LRRC4C: variants seen among roughly 807,000 people sequenced by gnomAD.
LRRC4C encodes the protein leucine rich repeat containing 4C.
Under a neutral mutation model 33.6 loss-of-function variants are expected in LRRC4C, and 5 were observed. The observed-to-expected ratio is 0.15, with a 90% CI of 0.08 to 0.31. The LOEUF (loss-of-function observed/expected upper bound fraction) is 0.31, where lower values mean the gene tolerates loss of function less well. Ranked by LOEUF, LRRC4C falls within the 10% of genes least tolerant of loss-of-function variation. LRRC4C has a pLI of 1.00. For synonymous variants in LRRC4C, 329 were observed against 302.0 expected, an observed-to-expected ratio of 1.09 and a Z score of -0.93; for missense variants, 560 against 796.7, an observed-to-expected ratio of 0.70 and a Z score of 3.58.
At chr11:40,774,736 G>T (rs1468496131) in intron 2 of LRRC4C, among the ~76,000 whole-genome samples, 2 of 152,032 alleles carry the variant, frequency 1.3e-5, no homozygotes, top group African/African-American at 4.8e-5. Flanking sequence ...AAAGACTATT[G>T]ATGTGCATTT....
chr11:41,265,945 A>C (rs1949137229), intron 1 of LRRC4C, among the ~76,000 whole-genome samples: 1 of 152,000 alleles, frequency 6.6e-6, no homozygotes, highest in Admixed American at 6.6e-5. Flanking sequence ...ATTTTGGTGG[A>C]TGAGATACAA....
intron 4 of LRRC4C, among the ~76,000 whole-genome samples, chr11:40,318,621 G>T: frequency 6.6e-6 from 1 of 151,980 alleles, no homozygotes; most frequent in South Asian, 2.1e-4. Flanking sequence ...ATAAATCCAT[G>T]TACACGGGTT....
Position 40,285,590 on chromosome 11 carries a change from A to G in LRRC4C, c.-176+34038T>C, listed in dbSNP as rs74811904. 1.0e-3 allele frequency among the ~76,000 whole-genome samples: 158 copies of G among 152,304 alleles called. 4 individuals carry two copies. The East Asian group carries it at 0.027, about 26-fold the overall frequency. ...CATTAGATATGTTCAGTGAGTTGGGACAATTTTGCCTAAGTCTTTCTTAGA... is the reference window on the plus strand; with the variant it reads ...CATTAGATATGTTCAGTGAGTTGGGGCAATTTTGCCTAAGTCTTTCTTAGA... On this transcript the variant is annotated intron_variant, in intron 4 of 6. Coordinates refer to ENST00000528697, the MANE Select transcript of LRRC4C (RefSeq NM_001258419.2).
intron 1 of LRRC4C, among the ~76,000 whole-genome samples, chr11:41,406,705 A>ACCACAC (rs1954249775): frequency 1.2e-5 from 1 of 81,750 alleles, no homozygotes; most frequent in Non-Finnish European, 2.2e-5. Context: ...CTACACATTC[A>ACCACAC]CCACACACAC....
intron 4 of LRRC4C, among the ~76,000 whole-genome samples, chr11:40,245,771 CT>C (rs1356387526): frequency 6.6e-6 from 1 of 151,886 alleles, no homozygotes; most frequent in Non-Finnish European, 1.5e-5. Flanking sequence ...CATAGGATTG[CT>C]TTTAGTATTA....
At chr11:41,225,112 A>T (rs1268521125) in intron 1 of LRRC4C, among the ~76,000 whole-genome samples, 3 of 152,132 alleles carry the variant, frequency 2.0e-5, no homozygotes, top group African/African-American at 7.2e-5. Flanking sequence ...GAGTAGAAGG[A>T]TGGTTACCAG....
At chr11:40,668,613 T>C (rs1943934917) in intron 2 of LRRC4C, among the ~76,000 whole-genome samples, 1 of 152,174 alleles carries the variant, frequency 6.6e-6, no homozygotes, top group African/African-American at 2.4e-5. Context: ...TACTGATACC[T>C]GAGCAAAGCT....
intron 2 of LRRC4C, among the ~76,000 whole-genome samples, chr11:40,913,493 A>C (rs1191806290): frequency 6.6e-6 from 1 of 152,172 alleles, no homozygotes; most frequent in Non-Finnish European, 1.5e-5. Context: ...TGTTCTTTGA[A>C]ACCAACGAGA....
chr11:41,241,165 G>A (rs186213766), intron 1 of LRRC4C, among the ~76,000 whole-genome samples: 371 of 152,218 alleles, frequency 2.4e-3, no homozygotes, highest in Non-Finnish European at 4.2e-3. Flanking sequence ...AAGCATGTAG[G>A]AGAATCAATT....
chr11:40,988,266 A>G (rs1853216199), intron 1 of LRRC4C, among the ~76,000 whole-genome samples: 1 of 152,204 alleles, frequency 6.6e-6, no homozygotes, highest in African/African-American at 2.4e-5. Flanking sequence ...CAGCTCCACA[A>G]TGAACTTGGT....
chr11:40,142,929 T>G (rs1857471511), intron 5 of LRRC4C, among the ~76,000 whole-genome samples: 1 of 151,670 alleles, frequency 6.6e-6, no homozygotes. Flanking sequence ...CGACAAAGAC[T>G]TTTTCTAATG....
At chr11:40,415,074 C>T (rs1194525004) in intron 3 of LRRC4C, among the ~76,000 whole-genome samples, 1 of 152,174 alleles carries the variant, frequency 6.6e-6, no homozygotes, top group Non-Finnish European at 1.5e-5. Flanking sequence ...GCTTCATATA[C>T]TCAAAGACAT....
intron 3 of LRRC4C, among the ~76,000 whole-genome samples, chr11:40,550,441 C>A (rs12805910): frequency 2.0e-5 from 3 of 150,604 alleles, no homozygotes; most frequent in Non-Finnish European, 3.0e-5. Flanking sequence ...AAGATCTTTC[C>A]TAAGAAAAGA....
chr11:40,559,598 C>T (rs1238001327), intron 3 of LRRC4C, among the ~76,000 whole-genome samples: 1 of 152,188 alleles, frequency 6.6e-6, no homozygotes, highest in Non-Finnish European at 1.5e-5. Flanking sequence ...CACCAAACGG[C>T]TTTCCACAAT....
In LRRC4C at chr11:40,622,170, T is replaced by C. The variant is rs369496493; in HGVS notation, c.-270+25972A>G. ...AGTCACACATTAAACAAATTTCTTA[T>C]GATTTCAAGCATTTTTACATGCATA... is the stretch of plus-strand genomic sequence containing the variant. On this transcript the variant is annotated intron_variant, in intron 3 of 6. Transcript: ENST00000528697. Among the ~76,000 whole-genome samples the C allele has an allele frequency of 1.6e-4, 25 of 152,044 alleles. 1 individual carries two copies. The East Asian group carries it at 2.3e-3, about 14-fold the overall frequency.
At chr11:40,820,574 C>T (rs1358725679) in intron 2 of LRRC4C, among the ~76,000 whole-genome samples, 1 of 151,768 alleles carries the variant, frequency 6.6e-6, no homozygotes, top group Non-Finnish European at 1.5e-5. Context: ...TTATATACAA[C>T]ATCAATAGAA....
At chr11:41,070,907 T>C (rs1401531130) in intron 1 of LRRC4C, among the ~76,000 whole-genome samples, 2 of 152,106 alleles carry the variant, frequency 1.3e-5, no homozygotes, top group East Asian at 1.9e-4. Context: ...ACTAAGTATA[T>C]ACCCAAAGGA....
At chr11:40,339,184 C>T (rs1042408532) in intron 3 of LRRC4C, among the ~76,000 whole-genome samples, 4 of 152,156 alleles carry the variant, frequency 2.6e-5, no homozygotes, top group African/African-American at 9.7e-5. Context: ...ATAGATACCA[C>T]CTTGCCATCA....
chr11:40,460,468 A>G (rs1469567434), intron 3 of LRRC4C, among the ~76,000 whole-genome samples: 2 of 152,186 alleles, frequency 1.3e-5, no homozygotes, highest in East Asian at 1.9e-4. Context: ...GAGTGTACAT[A>G]CAAAATATAT....
Sources: gnomAD v4.1 joint callset for allele counts (sites outside exome capture counted in the v4.1 genomes callset) on GRCh38, gnomAD v4.1.1 for gene constraint, MANE v1.5 for transcripts, NCBI Gene and HGNC (gene_info 2026-07-23, HGNC 2026-07-21) for gene names.